Variants in PTDSS2 observed in about 807,000 individuals in gnomAD.
PTDSS2 encodes PSS-2.
Under a neutral mutation model 64.7 loss-of-function variants are expected in PTDSS2, and 41 were observed. That is an observed-to-expected ratio of 0.63 (90% CI 0.49 to 0.82). PTDSS2 has a LOEUF of 0.82. Among genes scored for constraint, PTDSS2 ranks in the 40% least tolerant of loss-of-function variants. The pLI is 0.00. For synonymous variants in PTDSS2, 297 were observed against 277.8 expected (o/e 1.07, Z -0.69); for missense variants, 485 against 650.0 (o/e 0.75, Z 2.76).
At chr11:456,057 G>A (rs953060781) in intron 1 of PTDSS2, among the ~76,000 whole-genome samples, 8 of 152,226 alleles carry the variant, frequency 5.3e-5, no homozygotes, top group Non-Finnish European at 8.8e-5. Flanking sequence ...GCCCTGGCCC[G>A]GGGCACGGAC....
intron 2 of PTDSS2, among the ~76,000 whole-genome samples, chr11:469,154 T>C (rs112153670): frequency 0.011 from 648 of 58,378 alleles, 12 homozygotes; most frequent in African/African-American, 0.018. Context: ...TCTGGGTAAT[T>C]GGAAGGAGGA....
chr11:460,389 C>A lies in PTDSS2; in HGVS notation c.284+101C>A. ...GGCTGCCGGGGGCTCAGAAGGCCTT[C>A]ACCAGAGGGCTGCGTGGGGCCGCCG... is the stretch of plus-strand genomic sequence containing the variant. On this transcript the variant is annotated intron_variant, in intron 2 of 11. Transcript: ENST00000308020. The surrounding 1 kb of genome is among the most constrained non-coding windows in gnomAD (Gnocchi z 5.8). 1 of 925,280 alleles carries A rather than the reference C, an allele frequency of 1.1e-6. No homozygotes were observed. The highest frequency in any genetic ancestry group is 1.7e-6 in the Non-Finnish European group (1 of 581,766). The allele number at this position is 925,280 out of a possible 1,614,324, so 57.3% of individuals were successfully genotyped here. A position where few individuals can be genotyped will look rare whatever the true frequency, so the allele number is the denominator to read the frequency against.
Position 460,050 on chromosome 11 carries a change from G to A in PTDSS2, c.183-137G>A. 1.5e-6 allele frequency: 1 copy of A among 672,766 alleles called. No homozygotes were observed. Among genetic ancestry groups the A allele is most frequent in the Non-Finnish European group, 2.7e-6 (1 of 374,194 alleles). The allele number at this position is 672,766 out of a possible 1,614,324, so 41.7% of individuals were successfully genotyped here. On this transcript the variant is annotated intron_variant, in intron 1 of 11. Coordinates refer to ENST00000308020, the MANE Select transcript of PTDSS2 (RefSeq NM_030783.3). This position sits in a 1 kb window ranked among gnomAD's most constrained non-coding sequence, Gnocchi z 5.8. ...GGAGTTACCCAGCTAGGGACTCGCA[G>A]CCAGTTGCTGGTTGGGAGTTGGAGA...
chr11:489,764 C>T (rs746252958), intron 10 of PTDSS2, 31 bp downstream of exon 10: 11 of 1,597,138 alleles, frequency 6.9e-6, no homozygotes, highest in Non-Finnish European at 5.1e-6. Flanking sequence ...GGTGGAGACA[C>T]CCCCGGGGGG....
chr11:453,426 G>A (rs193283556), intron 1 of PTDSS2, among the ~76,000 whole-genome samples: 4 of 152,314 alleles, frequency 2.6e-5, no homozygotes, highest in Admixed American at 6.5e-5. Flanking sequence ...ACCAGTTCCC[G>A]AGCTGGGGGC....
At chr11:463,713 A>G (rs1367220565) in intron 2 of PTDSS2, 1 of 150,800 alleles carries the variant, frequency 6.6e-6, no homozygotes, top group African/African-American at 2.4e-5. Flanking sequence ...TGCCCGGTTA[A>G]TTTTTTGTAT....
Position 461,042 on chromosome 11 carries a change from G to A in PTDSS2, c.284+754G>A, listed in dbSNP as rs1327118703. 3 of 152,304 alleles carry A rather than the reference G, an allele frequency of 2.0e-5. No individual in the cohort carries two copies. Among genetic ancestry groups the A allele is most frequent in the Non-Finnish European group, 4.4e-5 (3 of 68,088 alleles). The allele number at this position is 152,304 out of a possible 1,614,324, so 9.4% of individuals were successfully genotyped here. ...GGGATGGTGGGAGGAAGCCGGAGCA[G>A]GGTCTGAGACCAGCAGCAGGATGGG... On this transcript the variant is annotated intron_variant, in intron 2 of 11. Transcript: ENST00000308020. This position sits in a 1 kb window ranked among gnomAD's most constrained non-coding sequence, Gnocchi z 4.2.
intron 4 of PTDSS2, chr11:480,041 A>G (rs1847998376): frequency 6.6e-6 from 1 of 152,580 alleles, no homozygotes; most frequent in Non-Finnish European, 1.5e-5. Context: ...CACTGGCCCT[A>G]AAACTCCTTT....
In PTDSS2 at chr11:461,541, C is replaced by G. The variant is rs1444251199; in HGVS notation, c.284+1253C>G. On this transcript the variant is annotated intron_variant, in intron 2 of 11. Coordinates refer to ENST00000308020, the MANE Select transcript of PTDSS2 (RefSeq NM_030783.3). The surrounding 1 kb of genome is among the most constrained non-coding windows in gnomAD (Gnocchi z 4.2). ...ACCTGGGAGGCGCAGGTGGCCTCTCCTGTCCTGGTCTCCCTACCCTGCTCC... is the reference window on the plus strand; with the variant it reads ...ACCTGGGAGGCGCAGGTGGCCTCTCGTGTCCTGGTCTCCCTACCCTGCTCC... 6.6e-6 allele frequency among the ~76,000 whole-genome samples: 1 copy of G among 152,156 alleles called. No homozygotes were observed. The highest frequency in any genetic ancestry group is 1.9e-4 in the East Asian group (1 of 5,186).
intron 4 of PTDSS2, among the ~76,000 whole-genome samples, chr11:486,323 T>G (rs951376314): frequency 6.6e-6 from 1 of 152,154 alleles, no homozygotes; most frequent in African/African-American, 2.4e-5. Context: ...CGCGCCGCAG[T>G]AACTCAGGGC....
chr11:456,085 G>A (rs748146919), intron 1 of PTDSS2, among the ~76,000 whole-genome samples: 9 of 152,086 alleles, frequency 5.9e-5, no homozygotes, highest in South Asian at 2.1e-4. Flanking sequence ...GAGCCACCGC[G>A]CTCCTGGCTG....
rs1848636413 is a variant in PTDSS2, at chr11:490,666, GC to G, written c.*87del. On this transcript the variant is annotated 3_prime_UTR_variant, in exon 12 of 12. Transcript: ENST00000308020. ...GTGTGAGTCCCACCAGGAGCCACGTGCCCGGCCTTGCCCTCAAGGTTTTTTG... is the reference window on the plus strand; with the variant it reads ...GTGTGAGTCCCACCAGGAGCCACGTGCCGGCCTTGCCCTCAAGGTTTTTTG... 3 of 1,370,530 alleles carry G rather than the reference GC, an allele frequency of 2.2e-6. No homozygotes were observed. The highest frequency in any genetic ancestry group is 2.6e-4 in the Middle Eastern group (1 of 3,912). The allele number at this position is 1,370,530 out of a possible 1,614,324, so 84.9% of individuals were successfully genotyped here. A position where few individuals can be genotyped will look rare whatever the true frequency, so the allele number is the denominator to read the frequency against.
chr11:475,622 C>T (rs911327314), intron 3 of PTDSS2, among the ~76,000 whole-genome samples: 2 of 152,336 alleles, frequency 1.3e-5, no homozygotes, highest in South Asian at 2.1e-4. Context: ...ATCCTGAACA[C>T]GTGGCTTTGT....
At chr11:453,367 G>A (rs1194038998) in intron 1 of PTDSS2, among the ~76,000 whole-genome samples, 4 of 152,184 alleles carry the variant, frequency 2.6e-5, no homozygotes, top group African/African-American at 7.2e-5. Context: ...GAACGTTGCC[G>A]CCTGTCTGTG....
chr11:465,760 C>A (rs910965921), intron 2 of PTDSS2, among the ~76,000 whole-genome samples: 8 of 151,150 alleles, frequency 5.3e-5, no homozygotes, highest in African/African-American at 1.2e-4. Context: ...ACCACCCCCC[C>A]CCCATCTCTA....
At chr11:478,856 A>G (rs114992114) in intron 3 of PTDSS2, among the ~76,000 whole-genome samples, 1 of 152,258 alleles carries the variant, frequency 6.6e-6, no homozygotes, top group Non-Finnish European at 1.5e-5. Context: ...ATTTATGGGC[A>G]AAAGATTTGA....
chr11:468,673 C>T (rs1187243099), intron 2 of PTDSS2, among the ~76,000 whole-genome samples: 5 of 152,194 alleles, frequency 3.3e-5, no homozygotes, highest in Non-Finnish European at 7.3e-5. Flanking sequence ...TGACTGGCAG[C>T]TCTGTCACTG....
At chr11:477,414 G>T (rs1258323758) in intron 3 of PTDSS2, among the ~76,000 whole-genome samples, 1 of 152,170 alleles carries the variant, frequency 6.6e-6, no homozygotes, top group South Asian at 2.1e-4. Flanking sequence ...GGGCCTGGGG[G>T]GTGGCCCTGG....
intron 2 of PTDSS2, among the ~76,000 whole-genome samples, chr11:468,412 C>T (rs1233808482): frequency 2.0e-5 from 3 of 152,224 alleles, no homozygotes; most frequent in Non-Finnish European, 4.4e-5. Context: ...TTTGTCCGAA[C>T]CTGTAGAACT....
Sources: gnomAD v4.1 joint callset for allele counts (sites outside exome capture counted in the v4.1 genomes callset) on GRCh38, gnomAD v4.1.1 for gene constraint, Gnocchi (gnomAD v3.1) non-coding constraint, MANE v1.5 for transcripts, NCBI Gene and HGNC (gene_info 2026-07-23, HGNC 2026-07-21) for gene names.